MAP2K4: variants seen among roughly 807,000 people sequenced by gnomAD.
The protein encoded by MAP2K4 is mitogen-activated protein kinase kinase 4.
In MAP2K4, 4 loss-of-function variants were observed where a neutral mutation model predicts 48.5. The ratio of observed to expected loss-of-function variants is 0.08; its 90% CI spans 0.04 to 0.19. The LOEUF is 0.19. Ranked by LOEUF, MAP2K4 falls within the 10% of genes least tolerant of loss-of-function variation. The pLI, the probability that MAP2K4 is intolerant of heterozygous loss-of-function variation, is 1.00. For synonymous variants in MAP2K4, 166 were observed against 173.1 expected (o/e 0.96, Z 0.32); for missense variants, 258 against 493.3 (o/e 0.52, Z 4.52).
At chr17:12,109,024 T>A (rs1475634360) in intron 5 of MAP2K4, among the ~76,000 whole-genome samples, 1 of 152,138 alleles carries the variant, frequency 6.6e-6, no homozygotes, top group Non-Finnish European at 1.5e-5. Context: ...GGTTATTAAA[T>A]GCTTATTTGC....
chr17:12,115,586 G>C, intron 7 of MAP2K4: 1 of 715,240 alleles, frequency 1.4e-6, no homozygotes, highest in South Asian at 1.4e-5. Context: ...TGCTTTTGTT[G>C]TTGATGAAGT....
At chr17:12,056,024 G>A (rs1970274263) in intron 2 of MAP2K4, among the ~76,000 whole-genome samples, 1 of 151,976 alleles carries the variant, frequency 6.6e-6, no homozygotes, top group African/African-American at 2.4e-5. Context: ...GCTATCTTGA[G>A]GAAGGAAACT....
chr17:12,129,326 G>A lies in MAP2K4; in HGVS notation c.1040+39G>A, dbSNP rs781302136. The A allele has an allele frequency of 1.9e-6, 3 of 1,612,990 alleles. No individual in the cohort carries two copies. The South Asian group carries it at 3.3e-5, about 18-fold the overall frequency. ...TTATGAATGGTCGAACACGCATGGCGAGAATAGTGAGATTTACTTGGTCTT... is the reference window on the plus strand; with the variant it reads ...TTATGAATGGTCGAACACGCATGGCAAGAATAGTGAGATTTACTTGGTCTT... On this transcript the variant is annotated intron_variant, in intron 9 of 10. Coordinates refer to ENST00000353533, the MANE Select transcript of MAP2K4 (RefSeq NM_003010.4).
chr17:12,076,279 C>CTCTG (rs766558477), intron 2 of MAP2K4, among the ~76,000 whole-genome samples: 5 of 135,252 alleles, frequency 3.7e-5, no homozygotes, highest in African/African-American at 5.5e-5. Context: ...TGTCACAGTT[C>CTCTG]TGTGTGTGTG....
intron 2 of MAP2K4, among the ~76,000 whole-genome samples, chr17:12,065,498 C>G (rs991205673): frequency 6.6e-6 from 1 of 151,956 alleles, no homozygotes; most frequent in African/African-American, 2.4e-5. Context: ...CAAGGTTTCA[C>G]CATGTTGGCC....
intron 2 of MAP2K4, among the ~76,000 whole-genome samples, chr17:12,066,993 G>A (rs1013692451): frequency 2.0e-5 from 3 of 152,040 alleles, no homozygotes; most frequent in South Asian, 2.1e-4. Context: ...GCTAATTTTT[G>A]TATTTTTGGG....
chr17:12,124,158 A>G (rs1972777896), intron 7 of MAP2K4: 1 of 152,238 alleles, frequency 6.6e-6, no homozygotes, highest in South Asian at 2.1e-4. Flanking sequence ...AGATGTCTTT[A>G]GTTGATGCTC....
At chr17:12,085,648 A>G (rs1462716663) in intron 3 of MAP2K4, among the ~76,000 whole-genome samples, 2 of 152,008 alleles carry the variant, frequency 1.3e-5, no homozygotes, top group Non-Finnish European at 2.9e-5. Context: ...TGATTCCTGC[A>G]ATCCTGCCTC....
chr17:12,049,027 G>A (rs1970052867), intron 1 of MAP2K4, among the ~76,000 whole-genome samples: 1 of 152,184 alleles, frequency 6.6e-6, no homozygotes, highest in Admixed American at 6.5e-5. Flanking sequence ...AGGGAGAAAA[G>A]AGAATGAAAG....
At chr17:12,075,895 C>G (rs1041766615) in intron 2 of MAP2K4, among the ~76,000 whole-genome samples, 5 of 152,126 alleles carry the variant, frequency 3.3e-5, no homozygotes, top group Non-Finnish European at 7.4e-5. Context: ...TACAAAGATA[C>G]AAAATAATAT....
intron 10 of MAP2K4, among the ~76,000 whole-genome samples, chr17:12,140,338 G>A (rs28921105): frequency 0.011 from 1,750 of 152,268 alleles, 39 homozygotes; most frequent in African/African-American, 0.039. Context: ...ACTGGGTATG[G>A]CATTGGTGGG....
rs371552088 is a variant in MAP2K4 at position 12,107,955 on chromosome 17, A to G, written c.633+46A>G. 1.5e-5 allele frequency: 22 copies of G among 1,462,098 alleles called. No homozygotes were observed. In the Middle Eastern group the frequency reaches 1.1e-3, roughly 73 times the overall value. 90.6% of individuals were successfully genotyped at this position (1,462,098 alleles called of 1,614,324 possible). A position where few individuals can be genotyped will look rare whatever the true frequency, so the allele number is the denominator to read the frequency against. On this transcript the variant is annotated intron_variant, in intron 5 of 10. Coordinates refer to ENST00000353533, the MANE Select transcript of MAP2K4 (RefSeq NM_003010.4). ...TTATTCATTGTGTATATAGTTATAT[A>G]GAGATGCTGCTGGAGTTTTGAATGC...
intron 5 of MAP2K4, among the ~76,000 whole-genome samples, chr17:12,108,911 C>G (rs1972215321): frequency 6.6e-6 from 1 of 151,882 alleles, no homozygotes. Context: ...TGAAATTTTA[C>G]AATGATTAGT....
intron 4 of MAP2K4, among the ~76,000 whole-genome samples, chr17:12,099,918 G>C (rs1971881678): frequency 6.6e-6 from 1 of 152,134 alleles, no homozygotes. Flanking sequence ...GCACTGTTCT[G>C]AGTAACTTGT....
intron 2 of MAP2K4, among the ~76,000 whole-genome samples, chr17:12,080,716 G>A (rs756081352): frequency 6.6e-6 from 1 of 152,160 alleles, no homozygotes; most frequent in African/African-American, 2.4e-5. Context: ...AACAAGAACA[G>A]GACAGTATAC....
At chr17:12,075,948 A>G (rs777882198) in intron 2 of MAP2K4, among the ~76,000 whole-genome samples, 5 of 152,092 alleles carry the variant, frequency 3.3e-5, no homozygotes, top group Non-Finnish European at 7.4e-5. Context: ...ATTATGATTG[A>G]TTTTTCCATT....
At position 12,141,321 on chromosome 17, in the gene MAP2K4, T is replaced by G; in HGVS notation, c.*61T>G. 2 of 1,155,514 alleles carry G rather than the reference T, an allele frequency of 1.7e-6. No individual in the cohort carries two copies. Among genetic ancestry groups the G allele is most frequent in the Non-Finnish European group, 2.6e-6 (2 of 763,114 alleles). 71.6% of individuals were successfully genotyped at this position (1,155,514 alleles called of 1,614,324 possible). On this transcript the variant is annotated 3_prime_UTR_variant, in exon 11 of 11. Transcript: ENST00000353533. ...GAGAGGAAGCAAGACGTAAAGAATT[T>G]TCATCCCGTATCACAGTGTTTTTAT...
intron 4 of MAP2K4, among the ~76,000 whole-genome samples, chr17:12,099,260 G>A (rs1426117022): frequency 6.7e-6 from 1 of 150,244 alleles, no homozygotes; most frequent in African/African-American, 2.4e-5. Flanking sequence ...GGCTGTCACT[G>A]TCTATTGTGT....
At chr17:12,022,552 ATTTG>A (rs1474447698) in intron 1 of MAP2K4, among the ~76,000 whole-genome samples, 5 of 152,098 alleles carry the variant, frequency 3.3e-5, no homozygotes, top group African/African-American at 9.7e-5. Flanking sequence ...AAACAAGGTG[ATTTG>A]TTTGTTTGTT....
Sources: gnomAD v4.1 joint callset for allele counts (sites outside exome capture counted in the v4.1 genomes callset) on GRCh38, gnomAD v4.1.1 for gene constraint, MANE v1.5 for transcripts, NCBI Gene and HGNC (gene_info 2026-07-23, HGNC 2026-07-21) for gene names.